PLD1: variants seen among roughly 807,000 people sequenced by gnomAD.
PLD1 encodes choline phosphatase 1.
PLD1 carries 112 observed loss-of-function variants against 137.1 expected under a neutral mutation model. That is an observed-to-expected ratio of 0.82 (90% confidence interval 0.70 to 0.96). PLD1 has a LOEUF of 0.96. Ranked by LOEUF, PLD1 falls within the 40% of genes least tolerant of loss-of-function variation. PLD1 has a pLI of 0.00. For synonymous variants in PLD1, 431 were observed against 454.7 expected (o/e 0.95, Z 0.66); for missense variants, 1,321 against 1,342.0 (o/e 0.98, Z 0.24).
chr3:171,757,306 G>T (rs866058946), intron 1 of PLD1, among the ~76,000 whole-genome samples: 1 of 152,266 alleles, frequency 6.6e-6, no homozygotes, highest in Non-Finnish European at 1.5e-5. Flanking sequence ...GAAAACTATT[G>T]TAAGTTCAGA....
At chr3:171,810,152 C>A (rs1421826499) in intron 1 of PLD1, among the ~76,000 whole-genome samples, 1 of 152,238 alleles carries the variant, frequency 6.6e-6, no homozygotes, top group African/African-American at 2.4e-5. Context: ...GGCAGCCGCC[C>A]GCGCGGCAAA....
At chr3:171,809,829 G>C (rs1317357166) in intron 1 of PLD1, 1 of 152,498 alleles carries the variant, frequency 6.6e-6, no homozygotes, top group Non-Finnish European at 1.5e-5. Flanking sequence ...GCTGGCCCCC[G>C]GCCCCCTCGC....
intron 1 of PLD1, chr3:171,790,048 TC>T (rs1723156540): frequency 6.6e-6 from 1 of 152,246 alleles, no homozygotes; most frequent in South Asian, 2.1e-4. Flanking sequence ...CAAGTACTAA[TC>T]TACTGCTGCT....
intron 25 of PLD1, among the ~76,000 whole-genome samples, chr3:171,606,873 CATAAGAAGAAATTTTAG>C (rs1283517573): frequency 4.4e-4 from 67 of 152,164 alleles, no homozygotes; most frequent in African/African-American, 1.4e-3. Flanking sequence ...GTGATTATTT[CATAAGAAGAAATTTTAG>C]AATTAGAATT....
chr3:171,704,273 G>A (rs941748809), intron 11 of PLD1, among the ~76,000 whole-genome samples: 6 of 152,020 alleles, frequency 3.9e-5, no homozygotes, highest in South Asian at 2.1e-4. Flanking sequence ...CAACAAAACC[G>A]GCATTAAAAC....
At chr3:171,610,838 A>C (rs1431047137) in intron 25 of PLD1, among the ~76,000 whole-genome samples, 2 of 151,048 alleles carry the variant, frequency 1.3e-5, no homozygotes, top group African/African-American at 5.0e-5. Context: ...AAAGGCAATA[A>C]ATACAGCAAT....
chr3:171,625,568 C>A (rs1362286318), intron 23 of PLD1, among the ~76,000 whole-genome samples: 1 of 152,236 alleles, frequency 6.6e-6, no homozygotes, highest in Non-Finnish European at 1.5e-5. Context: ...TCCCTGACCC[C>A]TGATCCCTGA....
intron 18 of PLD1, among the ~76,000 whole-genome samples, chr3:171,676,278 C>A (rs1365113681): frequency 6.6e-6 from 1 of 152,178 alleles, no homozygotes; most frequent in African/African-American, 2.4e-5. Flanking sequence ...AGAACCAGCT[C>A]TCAGAATCCT....
chr3:171,759,644 G>A (rs1168034340), intron 1 of PLD1, among the ~76,000 whole-genome samples: 1 of 152,148 alleles, frequency 6.6e-6, no homozygotes, highest in African/African-American at 2.4e-5. Context: ...TTCCATTCCT[G>A]AAAATTAAAG....
At chr3:171,609,938 T>C (rs1204394093) in intron 25 of PLD1, among the ~76,000 whole-genome samples, 6 of 152,144 alleles carry the variant, frequency 3.9e-5, no homozygotes, top group African/African-American at 9.7e-5. Context: ...TCCATCGTAA[T>C]GGGCAAAGGA....
chr3:171,626,844 T>C (rs939253589), intron 23 of PLD1, among the ~76,000 whole-genome samples: 1 of 152,168 alleles, frequency 6.6e-6, no homozygotes, highest in Non-Finnish European at 1.5e-5. Context: ...AAAGAGCTCC[T>C]GAAGGAAGCA....
At chr3:171,630,001 A>G (rs1360033390) in intron 23 of PLD1, among the ~76,000 whole-genome samples, 3 of 152,200 alleles carry the variant, frequency 2.0e-5, no homozygotes, top group Non-Finnish European at 4.4e-5. Context: ...ACAAAAGCCA[A>G]AATTGACAAA....
At chr3:171,643,013 C>A (rs765838820) in intron 22 of PLD1, 124 bp from the exon 23 acceptor site, 2 of 632,626 alleles carry the variant, frequency 3.2e-6, no homozygotes, top group Non-Finnish European at 2.8e-6. Context: ...GAAGATGCTA[C>A]ATATATATCT....
intron 25 of PLD1, among the ~76,000 whole-genome samples, chr3:171,607,818 G>A (rs1020209615): frequency 5.9e-5 from 9 of 152,102 alleles, no homozygotes; most frequent in African/African-American, 9.7e-5. Flanking sequence ...TCTAGGACTT[G>A]AACTGTTCAG....
At chr3:171,647,693 C>A (rs1736374233) in intron 21 of PLD1, among the ~76,000 whole-genome samples, 1 of 152,164 alleles carries the variant, frequency 6.6e-6, no homozygotes, top group African/African-American at 2.4e-5. Flanking sequence ...AGGTGATCCG[C>A]CTCGGCCTCC....
chr3:171,635,648 C>A (rs1020378225), intron 23 of PLD1, among the ~76,000 whole-genome samples: 2 of 151,904 alleles, frequency 1.3e-5, no homozygotes, highest in Non-Finnish European at 2.9e-5. Context: ...TGTAGGAATT[C>A]TTTACATATT....
Position 171,600,454 on chromosome 3 carries a change from G to A in PLD1, c.*2624C>T, listed in dbSNP as rs1312154828. On this transcript the variant is annotated 3_prime_UTR_variant, in exon 27 of 27. Coordinates refer to ENST00000351298, the MANE Select transcript of PLD1 (RefSeq NM_002662.5). Reference sequence around the variant, plus strand: ...TTCAAAATAGTCACTTTGAAATGTTGAGCAGATTCATGATAGATTTTCAAG... The same window carrying A: ...TTCAAAATAGTCACTTTGAAATGTTAAGCAGATTCATGATAGATTTTCAAG... 1 of 152,096 alleles carries A rather than the reference G, an allele frequency of 6.6e-6. No individual in the cohort carries two copies. The highest frequency in any genetic ancestry group is 1.5e-5 in the Non-Finnish European group (1 of 68,018). 9.4% of individuals were successfully genotyped at this position (152,096 alleles called of 1,614,324 possible).
chr3:171,640,078 A>G (rs188396902), intron 23 of PLD1, among the ~76,000 whole-genome samples: 1 of 151,706 alleles, frequency 6.6e-6, no homozygotes, highest in Admixed American at 6.6e-5. Flanking sequence ...AGTCCACCTA[A>G]AGTTTGTCAA....
intron 11 of PLD1, among the ~76,000 whole-genome samples, chr3:171,704,003 C>A (rs1392209849): frequency 6.6e-6 from 1 of 152,150 alleles, no homozygotes; most frequent in Non-Finnish European, 1.5e-5. Context: ...AAATAAAAAC[C>A]CATCTTTCTG....
Sources: allele counts gnomAD v4.1 joint callset (sites outside exome capture counted in the v4.1 genomes callset), GRCh38; gene constraint gnomAD v4.1.1; transcripts MANE v1.5; gene names NCBI Gene and HGNC (gene_info 2026-07-23, HGNC 2026-07-21).